Variants in ANAPC7 observed in about 807,000 individuals in gnomAD.
ANAPC7 encodes anaphase promoting complex subunit 7, also known as anaphase-promoting complex subunit 7.
ANAPC7 carries 25 observed loss-of-function variants against 63.3 expected under a neutral mutation model. That is an observed-to-expected ratio of 0.39 (90% CI 0.29 to 0.55). ANAPC7 has a LOEUF of 0.55. Among genes scored for constraint, ANAPC7 ranks in the 20% least tolerant of loss-of-function variants. The probability of loss-of-function intolerance (pLI) is 0.57; values close to 1 mark genes in which losing one functional copy is unlikely to be tolerated. For missense variants in ANAPC7, 516 were observed against 691.7 expected, an observed-to-expected ratio of 0.75 and a Z score of 2.85; for synonymous variants, 241 against 251.7, an observed-to-expected ratio of 0.96 and a Z score of 0.40.
In ANAPC7 at chr12:110,373,918, G is replaced by T; in HGVS notation, c.*226C>A. On this transcript the variant is annotated 3_prime_UTR_variant, in exon 11 of 11. Coordinates refer to ENST00000455511, the MANE Select transcript of ANAPC7 (RefSeq NM_016238.3). The stretch of plus-strand genomic sequence containing the variant: ...GCGTGGGTCTCGGGGCACTCCCTCA[G>T]TCCTCCCTGGCTGGAGCAGGGGAGG... 2.2e-6 allele frequency: 1 copy of T among 462,346 alleles called. No homozygotes were observed. The highest frequency in any genetic ancestry group is 3.7e-6 in the Non-Finnish European group (1 of 270,538). The allele number at this position is 462,346 out of a possible 1,614,324, so 28.6% of individuals were successfully genotyped here.
intron 3 of ANAPC7, among the ~76,000 whole-genome samples, chr12:110,392,811 T>C (rs1883214093): frequency 6.6e-6 from 1 of 152,188 alleles, no homozygotes; most frequent in Non-Finnish European, 1.5e-5. Flanking sequence ...TTTGTTTTTT[T>C]TGAGATGGAG....
At chr12:110,377,931 C>T (rs534091362) in intron 8 of ANAPC7, 28 of 679,814 alleles carry the variant, frequency 4.1e-5, no homozygotes, top group Non-Finnish European at 5.5e-5. Flanking sequence ...AAATGCGACA[C>T]TAATGATTAG....
chr12:110,392,476 A>G (rs1177147946), intron 3 of ANAPC7, among the ~76,000 whole-genome samples: 1 of 152,162 alleles, frequency 6.6e-6, no homozygotes, highest in Non-Finnish European at 1.5e-5. Flanking sequence ...TAGATTTCGT[A>G]TCTTTTAAAG....
chr12:110,375,537 C>T, intron 10 of ANAPC7: 1 of 872,824 alleles, frequency 1.1e-6, no homozygotes, highest in Non-Finnish European at 1.4e-6. Flanking sequence ...GGGCTAAGAG[C>T]TTTACATGAA....
At chr12:110,377,708 C>A in intron 8 of ANAPC7, 91 bp from the exon 9 acceptor site, 1 of 1,575,252 alleles carries the variant, frequency 6.3e-7, no homozygotes, top group Non-Finnish European at 8.6e-7. Flanking sequence ...TGCTAACCTT[C>A]AAAGTTTCAG....
intron 8 of ANAPC7, among the ~76,000 whole-genome samples, chr12:110,379,672 T>G (rs1881633032): frequency 6.6e-6 from 1 of 152,198 alleles, no homozygotes; most frequent in Non-Finnish European, 1.5e-5. Context: ...TATAAGCAGA[T>G]TTGTTCTCTT....
intron 8 of ANAPC7, among the ~76,000 whole-genome samples, chr12:110,381,071 C>A (rs1372322765): frequency 2.7e-5 from 4 of 148,102 alleles, no homozygotes; most frequent in South Asian, 2.1e-4. Context: ...AAAAAAAAAA[C>A]CCCATCCCAA....
At chr12:110,383,510 A>G in intron 6 of ANAPC7, among the ~76,000 whole-genome samples, 1 of 152,122 alleles carries the variant, frequency 6.6e-6, no homozygotes, top group African/African-American at 2.4e-5. Context: ...TGGCAGAGGC[A>G]GGAGGATCAC....
chr12:110,403,227 G>C (rs564797519), intron 1 of ANAPC7, among the ~76,000 whole-genome samples: 3 of 152,338 alleles, frequency 2.0e-5, no homozygotes, highest in South Asian at 4.1e-4. Context: ...CGATGTGACA[G>C]TCGCGCTGCC....
chr12:110,376,218 T>TG lies in ANAPC7; in HGVS notation c.1358-3dup. 1 of 1,613,764 alleles carries TG rather than the reference T, an allele frequency of 6.2e-7. No homozygotes were observed. The highest frequency in any genetic ancestry group is 1.1e-5 in the South Asian group (1 of 91,064). On this transcript the variant is annotated splice_polypyrimidine_tract_variant and splice_region_variant and intron_variant, in intron 9 of 10. Transcript: ENST00000455511. ...CATCTTCATATTTCTGTTCTCTGCC[T>TG]GGGGGAATAAAAAAGACCCTCACTT...
At chr12:110,385,262 G>A (rs146835582) in intron 6 of ANAPC7, among the ~76,000 whole-genome samples, 13 of 152,234 alleles carry the variant, frequency 8.5e-5, no homozygotes, top group South Asian at 6.2e-4. Flanking sequence ...GTGAAACTCC[G>A]TCTCAAACAA....
At chr12:110,391,665 G>A (rs1259685224) in intron 3 of ANAPC7, among the ~76,000 whole-genome samples, 1 of 152,136 alleles carries the variant, frequency 6.6e-6, no homozygotes, top group African/African-American at 2.4e-5. Context: ...TCAAGCAGTG[G>A]ATGCTATAAA....
In ANAPC7 at chr12:110,373,871, TG is replaced by T; in HGVS notation, c.*272del. ...AAATTAGTTATATAAAAAGTACTCTTGGCCCAGAAGCCCCAACATGTGCGTG... is the reference window on the plus strand; with the variant it reads ...AAATTAGTTATATAAAAAGTACTCTTGCCCAGAAGCCCCAACATGTGCGTG... On this transcript the variant is annotated 3_prime_UTR_variant, in exon 11 of 11. Transcript: ENST00000455511. 2.7e-6 allele frequency: 1 copy of T among 369,916 alleles called. No individual in the cohort carries two copies. 22.9% of individuals were successfully genotyped at this position (369,916 alleles called of 1,614,324 possible).
chr12:110,382,149 C>A (rs1329434278), intron 7 of ANAPC7, among the ~76,000 whole-genome samples: 1 of 151,516 alleles, frequency 6.6e-6, no homozygotes, highest in Non-Finnish European at 1.5e-5. Flanking sequence ...AAGGGGAAAT[C>A]TTGATATGGA....
Position 110,381,954 on chromosome 12 carries a change from G to GAAAAAAAAAAAAA in ANAPC7, c.936-19_936-7dup, listed in dbSNP as rs35699984. 2.1e-5 allele frequency: 21 copies of GAAAAAAAAAAAAA among 977,124 alleles called. No homozygotes were observed. Among genetic ancestry groups the GAAAAAAAAAAAAA allele is most frequent in the Admixed American group, 7.5e-5 (2 of 26,756 alleles). The allele number at this position is 977,124 out of a possible 1,614,324, so 60.5% of individuals were successfully genotyped here. A position where few individuals can be genotyped will look rare whatever the true frequency, so the allele number is the denominator to read the frequency against. ...TGCTATAGAAGCTGTGACAGCTGGAGAAAAAAAAAAAAAAAAAAACACAAA... is the reference window on the plus strand; with the variant it reads ...TGCTATAGAAGCTGTGACAGCTGGAGAAAAAAAAAAAAAAAAAAAAAAAAAAAAAAAACACAAA... On this transcript the variant is annotated splice_polypyrimidine_tract_variant and splice_region_variant and intron_variant, in intron 7 of 10. Coordinates refer to ENST00000455511, the MANE Select transcript of ANAPC7 (RefSeq NM_016238.3).
intron 2 of ANAPC7, among the ~76,000 whole-genome samples, 166 bp downstream of exon 2, chr12:110,396,100 C>A (rs1029049833): frequency 1.3e-5 from 2 of 152,078 alleles, no homozygotes; most frequent in African/African-American, 2.4e-5. Flanking sequence ...GCTGATCTGA[C>A]AGGAGGCGGA....
chr12:110,375,706 G>C, intron 10 of ANAPC7: 1 of 956,500 alleles, frequency 1.0e-6, no homozygotes, highest in Non-Finnish European at 1.2e-6. Flanking sequence ...ATAGAAACAT[G>C]GGAAAGTACT....
At chr12:110,396,129 A>C (rs1566276952) in intron 2 of ANAPC7, 137 bp downstream of exon 2, 7 of 730,690 alleles carry the variant, frequency 9.6e-6, no homozygotes, top group Non-Finnish European at 6.8e-6. Context: ...AGTAATATTC[A>C]CTAGCCCTCC....
At chr12:110,375,925 A>T in intron 10 of ANAPC7, 141 bp downstream of exon 10, 1 of 1,308,686 alleles carries the variant, frequency 7.6e-7, no homozygotes, top group Non-Finnish European at 9.7e-7. Context: ...ATTCACAAAT[A>T]ACTCTTCTAC....
Sources: allele counts gnomAD v4.1 joint callset (sites outside exome capture counted in the v4.1 genomes callset), GRCh38; gene constraint gnomAD v4.1.1; transcripts MANE v1.5; gene names NCBI Gene and HGNC (gene_info 2026-07-23, HGNC 2026-07-21).